Variants in SLC24A3 observed in about 807,000 individuals in gnomAD.
The protein encoded by SLC24A3 is solute carrier family 24 member 3.
A neutral mutation model predicts 75.8 loss-of-function variants in SLC24A3; 28 were observed. The ratio of observed to expected loss-of-function variants is 0.37; its 90% CI spans 0.27 to 0.51. The LOEUF (loss-of-function observed/expected upper bound fraction) is 0.51. Ranked by LOEUF, SLC24A3 falls within the 20% of genes least tolerant of loss-of-function variation. The pLI is 0.94. For synonymous variants in SLC24A3, 372 were observed against 334.1 expected (o/e 1.11, Z -1.24); for missense variants, 663 against 847.8 (o/e 0.78, Z 2.71).
At chr20:19,604,708 C>T (rs572742356) in intron 6 of SLC24A3, among the ~76,000 whole-genome samples, 6 of 152,282 alleles carry the variant, frequency 3.9e-5, no homozygotes, top group African/African-American at 1.4e-4. Context: ...GAGCCTCCGC[C>T]AGAGCCCTGG....
intron 9 of SLC24A3, among the ~76,000 whole-genome samples, chr20:19,680,926 C>T (rs556738552): frequency 6.6e-6 from 1 of 152,340 alleles, no homozygotes; most frequent in South Asian, 2.1e-4. Flanking sequence ...ACTGCCATGC[C>T]TATGGGAGGC....
chr20:19,441,916 G>C (rs985506223), intron 2 of SLC24A3, among the ~76,000 whole-genome samples: 11 of 151,576 alleles, frequency 7.3e-5, no homozygotes, highest in African/African-American at 2.7e-4. Flanking sequence ...TTTTTTATGT[G>C]ACATTTCTTC....
At chr20:19,665,994 C>A in intron 8 of SLC24A3, 105 bp downstream of exon 8, 1 of 1,292,368 alleles carries the variant, frequency 7.7e-7, no homozygotes, top group Non-Finnish European at 1.1e-6. Context: ...AGTGTCATGA[C>A]AGCTTAGAAT....
chr20:19,662,630 A>G (rs2032341136), intron 7 of SLC24A3, among the ~76,000 whole-genome samples: 1 of 152,258 alleles, frequency 6.6e-6, no homozygotes, highest in Non-Finnish European at 1.5e-5. Context: ...TCTAGTCTAG[A>G]AAGAAATGAT....
chr20:19,426,523 A>G (rs758804938), intron 2 of SLC24A3, among the ~76,000 whole-genome samples: 1 of 152,368 alleles, frequency 6.6e-6, no homozygotes, highest in East Asian at 1.9e-4. Flanking sequence ...AAAATTGTTT[A>G]TCTAGCCAGT....
At chr20:19,712,366 C>T (rs1360085110) in intron 15 of SLC24A3, among the ~76,000 whole-genome samples, 1 of 151,950 alleles carries the variant, frequency 6.6e-6, no homozygotes, top group Non-Finnish European at 1.5e-5. Flanking sequence ...AGCATTTGGA[C>T]CTGCTGTTCT....
At chr20:19,580,122 A>G (rs777185577) in intron 4 of SLC24A3, 48 bp downstream of exon 4, 7 of 1,524,894 alleles carry the variant, frequency 4.6e-6, no homozygotes, top group Non-Finnish European at 6.4e-6. Flanking sequence ...TGGGGACTGG[A>G]CCTGTGCCCT....
intron 2 of SLC24A3, among the ~76,000 whole-genome samples, chr20:19,487,745 C>T (rs1380490802): frequency 6.6e-6 from 1 of 152,132 alleles, no homozygotes; most frequent in Non-Finnish European, 1.5e-5. Context: ...CGCTAATATC[C>T]CAGTGAATTT....
intron 6 of SLC24A3, among the ~76,000 whole-genome samples, chr20:19,626,086 T>C (rs2031862845): frequency 6.6e-6 from 1 of 152,146 alleles, no homozygotes; most frequent in African/African-American, 2.4e-5. Flanking sequence ...TTATTATATT[T>C]TAATATTACT....
intron 15 of SLC24A3, among the ~76,000 whole-genome samples, chr20:19,701,551 A>T (rs974693999): frequency 6.6e-6 from 1 of 152,096 alleles, no homozygotes; most frequent in Non-Finnish European, 1.5e-5. Context: ...TAACTTCCTT[A>T]AAAAATATTT....
At chr20:19,375,170 C>A (rs1274902706) in intron 2 of SLC24A3, among the ~76,000 whole-genome samples, 2 of 152,064 alleles carry the variant, frequency 1.3e-5, no homozygotes, top group Admixed American at 6.5e-5. Flanking sequence ...TCTGGGAGAA[C>A]CTACACTATA....
At chr20:19,648,048 C>T (rs528276947) in intron 6 of SLC24A3, among the ~76,000 whole-genome samples, 5 of 152,286 alleles carry the variant, frequency 3.3e-5, no homozygotes, top group East Asian at 1.9e-4. Flanking sequence ...TGTCCATTTT[C>T]GATAGTGAAC....
chr20:19,219,113 A>G (rs1367220435), intron 1 of SLC24A3, among the ~76,000 whole-genome samples: 2 of 152,178 alleles, frequency 1.3e-5, no homozygotes, highest in Admixed American at 1.3e-4. Context: ...TAAGGACCCA[A>G]ATGGAAGAAG....
intron 2 of SLC24A3, among the ~76,000 whole-genome samples, chr20:19,512,746 T>A (rs2029906656): frequency 6.6e-6 from 1 of 152,142 alleles, no homozygotes; most frequent in Admixed American, 6.5e-5. Flanking sequence ...ATGATGCTCA[T>A]GGGGTGACTT....
intron 3 of SLC24A3, among the ~76,000 whole-genome samples, chr20:19,559,022 G>A (rs1175337713): frequency 6.6e-6 from 1 of 152,126 alleles, no homozygotes; most frequent in Non-Finnish European, 1.5e-5. Context: ...GTAAGTATAG[G>A]TTGAATTTTG....
chr20:19,602,641 A>G (rs1195683984), intron 6 of SLC24A3, among the ~76,000 whole-genome samples: 2 of 152,218 alleles, frequency 1.3e-5, no homozygotes, highest in African/African-American at 2.4e-5. Context: ...AGACATACAC[A>G]TCTACCAAGA....
intron 3 of SLC24A3, among the ~76,000 whole-genome samples, chr20:19,541,209 T>A (rs1286130726): frequency 6.6e-6 from 1 of 152,220 alleles, no homozygotes; most frequent in Non-Finnish European, 1.5e-5. Flanking sequence ...CAGAAAAGAA[T>A]GGCTTGTATG....
Position 19,515,504 on chromosome 20 carries a change from C to T in SLC24A3, c.288C>T (p.Pro96=). The change falls in exon 3 of 17, where the codon CCC becomes CCT. Residue 96 remains proline (P), a synonymous_variant. Transcript: ENST00000328041. Reference sequence around the variant, plus strand: ...GTTCTTTAGCCCTGCATGAATTCCCCAATGACATCTTCACAAACGAGGATA... The same window carrying T: ...GTTCTTTAGCCCTGCATGAATTCCCTAATGACATCTTCACAAACGAGGATA... ...NCTEPALHEF[P]NDIFTNEDRR... is the part of the protein sequence containing the mutation. 1 of 1,614,214 alleles carries T rather than the reference C, an allele frequency of 6.2e-7. No homozygotes were observed. Among genetic ancestry groups the T allele is most frequent in the Non-Finnish European group, 8.5e-7 (1 of 1,180,022 alleles).
intron 2 of SLC24A3, among the ~76,000 whole-genome samples, chr20:19,299,087 G>A (rs529023903): frequency 9.2e-5 from 14 of 152,234 alleles, no homozygotes; most frequent in African/African-American, 2.9e-4. Context: ...CTAAGTTCCC[G>A]CATCCCCCCA....
Sources: allele counts gnomAD v4.1 joint callset (sites outside exome capture counted in the v4.1 genomes callset), GRCh38; gene constraint gnomAD v4.1.1; transcripts MANE v1.5; gene names NCBI Gene and HGNC (gene_info 2026-07-23, HGNC 2026-07-21).